CNTNAP3B: variants seen among roughly 807,000 people sequenced by gnomAD.
CNTNAP3B encodes contactin associated protein family member 3B, also known as contactin-associated protein-like 3B.
Under a neutral mutation model 108.9 loss-of-function variants are expected in CNTNAP3B, and 25 were observed. The observed-to-expected ratio is 0.23, with a 90% CI of 0.17 to 0.32. The LOEUF is 0.32. CNTNAP3B is among the 10% of genes least tolerant of loss of function. The probability of loss-of-function intolerance (pLI) is 1.00; values close to 1 mark genes in which losing one functional copy is unlikely to be tolerated. For synonymous variants in CNTNAP3B, 103 were observed against 473.4 expected (o/e 0.22, Z 10.16); for missense variants, 252 against 1,210.4 (o/e 0.21, Z 11.75).
intron 11 of CNTNAP3B, among the ~76,000 whole-genome samples, 167 bp from the exon 12 acceptor site, chr9:41,961,059 A>T (rs1342084178): frequency 6.6e-6 from 1 of 152,310 alleles, no homozygotes; most frequent in Non-Finnish European, 1.5e-5. Context: ...AATGACATTT[A>T]AAAAATTAAA....
rs1827631949 is a variant in CNTNAP3B, at chr9:42,082,968, C to A, written c.197-5906G>T. ...AGAAACACACTTTAAATAAAAAAGGCTCAAATAGCCTAAGTGTAAACACAT... is the reference window on the plus strand; with the variant it reads ...AGAAACACACTTTAAATAAAAAAGGATCAAATAGCCTAAGTGTAAACACAT... On this transcript the variant is annotated intron_variant, in intron 2 of 23. Coordinates refer to ENST00000377561, the MANE Select transcript of CNTNAP3B (RefSeq NM_001201380.3). Among the ~76,000 whole-genome samples, 2 of 138,904 alleles carry A rather than the reference C, an allele frequency of 1.4e-5. 1 individual carries two copies. Among genetic ancestry groups the A allele is most frequent in the African/African-American group, 5.7e-5 (2 of 35,176 alleles). 91.1% of individuals were successfully genotyped at this position (138,904 alleles called of 152,430 possible). A position where few individuals can be genotyped will look rare whatever the true frequency, so the allele number is the denominator to read the frequency against.
chr9:42,014,721 G>T (rs1411250765), intron 3 of CNTNAP3B, among the ~76,000 whole-genome samples: 1 of 53,744 alleles, frequency 1.9e-5, no homozygotes, highest in African/African-American at 8.2e-5. Flanking sequence ...AACCCGGGAG[G>T]TGGAGCTTGC....
intron 2 of CNTNAP3B, among the ~76,000 whole-genome samples, chr9:42,103,418 TAAAAAA>T (rs1156658774): frequency 8.4e-5 from 4 of 47,718 alleles, no homozygotes; most frequent in Non-Finnish European, 1.5e-4. Context: ...AACAGGGAGT[TAAAAAA>T]AAAAAAAAAA....
intron 12 of CNTNAP3B, among the ~76,000 whole-genome samples, chr9:41,957,894 G>A (rs1462347886): frequency 6.6e-6 from 1 of 152,114 alleles, no homozygotes; most frequent in Non-Finnish European, 1.5e-5. Flanking sequence ...CCGAGTAGCT[G>A]GGACTACAGG....
chr9:42,015,745 C>G (rs1208065982), intron 3 of CNTNAP3B, among the ~76,000 whole-genome samples: 1 of 15,436 alleles, frequency 6.5e-5, no homozygotes. Flanking sequence ...TACAGCCAAG[C>G]TAATACAGGA....
At chr9:41,954,887 T>G (rs1307387925) in intron 12 of CNTNAP3B, among the ~76,000 whole-genome samples, 1 of 152,180 alleles carries the variant, frequency 6.6e-6, no homozygotes, top group East Asian at 1.9e-4. Flanking sequence ...GGTTTCACCA[T>G]GTTGGCCAGG....
chr9:41,946,037 T>A (rs1161563062), intron 13 of CNTNAP3B, among the ~76,000 whole-genome samples: 29 of 152,176 alleles, frequency 1.9e-4, no homozygotes, highest in African/African-American at 7.0e-4. Context: ...CAAGAAGATA[T>A]AATAATGCTT....
intron 1 of CNTNAP3B, among the ~76,000 whole-genome samples, chr9:42,120,519 C>A (rs1160816624): frequency 1.4e-5 from 2 of 138,130 alleles, no homozygotes; most frequent in Admixed American, 1.4e-4. Flanking sequence ...AAGACACATG[C>A]ACACGTATGT....
At chr9:41,943,345 A>ATTTT (rs1165684239) in intron 13 of CNTNAP3B, among the ~76,000 whole-genome samples, 84 of 132,528 alleles carry the variant, frequency 6.3e-4, no homozygotes, top group East Asian at 8.9e-4. Flanking sequence ...TTGGACAATA[A>ATTTT]TTTTTTTTTT....
intron 9 of CNTNAP3B, chr9:41,979,831 C>T (rs1414526110): frequency 4.9e-5 from 6 of 121,752 alleles, no homozygotes; most frequent in Admixed American, 8.6e-5. Flanking sequence ...TCAGGTGATC[C>T]GCCGGCCTCA....
intron 1 of CNTNAP3B, among the ~76,000 whole-genome samples, chr9:42,126,905 A>T (rs1226826544): frequency 7.2e-6 from 1 of 138,616 alleles, no homozygotes; most frequent in African/African-American, 2.9e-5. Flanking sequence ...ATTTCATGCC[A>T]TCATCAACAG....
intron 13 of CNTNAP3B, among the ~76,000 whole-genome samples, chr9:41,950,747 C>CT (rs1196034038): frequency 0.19 from 17,493 of 93,132 alleles, 109 homozygotes; most frequent in Admixed American, 0.23. Context: ...AGGAGGAATT[C>CT]TTTTTTTTTT....
intron 3 of CNTNAP3B, among the ~76,000 whole-genome samples, chr9:42,076,421 T>C (rs1169129734): frequency 7.8e-6 from 1 of 128,834 alleles, no homozygotes; most frequent in Non-Finnish European, 1.6e-5. Context: ...AGCGAAACTC[T>C]GTCTCTAAAA....
intron 10 of CNTNAP3B, among the ~76,000 whole-genome samples, chr9:41,969,613 G>T (rs1433293920): frequency 6.6e-6 from 1 of 152,102 alleles, no homozygotes; most frequent in Non-Finnish European, 1.5e-5. Context: ...TTCCATTAGA[G>T]ATGCAGTTTT....
intron 18 of CNTNAP3B, among the ~76,000 whole-genome samples, chr9:41,918,613 C>A (rs535021071): frequency 7.0e-6 from 1 of 142,076 alleles, no homozygotes; most frequent in African/African-American, 2.7e-5. Context: ...GGTAATCTAA[C>A]TATAACATAT....
At position 42,128,570 on chromosome 9, in the gene CNTNAP3B, C is replaced by T. The variant is rs1271433037; in HGVS notation, c.85+440G>A. Among the ~76,000 whole-genome samples the T allele has an allele frequency of 1.5e-5, 2 of 133,468 alleles. 1 individual carries two copies. Among genetic ancestry groups the T allele is most frequent in the Non-Finnish European group, 3.2e-5 (2 of 63,468 alleles). The allele number at this position is 133,468 out of a possible 152,430, so 87.6% of individuals were successfully genotyped here. A position where few individuals can be genotyped will look rare whatever the true frequency, so the allele number is the denominator to read the frequency against. On this transcript the variant is annotated intron_variant, in intron 1 of 23. Transcript: ENST00000377561. Reference sequence around the variant, plus strand: ...AATTAGCATTTTAACTCTGAAGCTGCCAAGGTCGGCAAAACTGTAAGCTGC... The same window carrying T: ...AATTAGCATTTTAACTCTGAAGCTGTCAAGGTCGGCAAAACTGTAAGCTGC...
intron 3 of CNTNAP3B, among the ~76,000 whole-genome samples, chr9:42,044,680 T>A: frequency 6.8e-6 from 1 of 147,772 alleles, no homozygotes; most frequent in East Asian, 2.0e-4. Flanking sequence ...CACAGAGAAC[T>A]AGAAAAGACT....
intron 14 of CNTNAP3B, among the ~76,000 whole-genome samples, chr9:41,933,021 C>T (rs1257865877): frequency 6.6e-6 from 1 of 152,304 alleles, no homozygotes; most frequent in East Asian, 1.9e-4. Flanking sequence ...TATTTTTCAT[C>T]TTAAAAATTA....
intron 3 of CNTNAP3B, among the ~76,000 whole-genome samples, chr9:42,075,280 C>T (rs541231306): frequency 6.8e-6 from 1 of 146,454 alleles, no homozygotes; most frequent in African/African-American, 2.6e-5. Context: ...AGGTCACATT[C>T]TGAGGTACTG....
Sources: allele counts gnomAD v4.1 joint callset (sites outside exome capture counted in the v4.1 genomes callset), GRCh38; gene constraint gnomAD v4.1.1; transcripts MANE v1.5; gene names NCBI Gene and HGNC (gene_info 2026-07-23, HGNC 2026-07-21).